The following FBXL2 variants were observed in gnomAD, a reference collection of about 807,000 sequenced individuals.
The protein encoded by FBXL2 is F-box and leucine rich repeat protein 2.
FBXL2 carries 38 observed loss-of-function variants against 69.2 expected under a neutral mutation model. That is an observed-to-expected ratio of 0.55 (90% CI 0.42 to 0.72). The LOEUF (loss-of-function observed/expected upper bound fraction) is 0.72, where lower values mean the gene tolerates loss of function less well. Among genes scored for constraint, FBXL2 ranks in the 30% least tolerant of loss-of-function variants. The probability of loss-of-function intolerance (pLI) is 0.00; values close to 1 mark genes in which losing one functional copy is unlikely to be tolerated. For missense variants in FBXL2, 354 were observed against 520.3 expected, an observed-to-expected ratio of 0.68 and a Z score of 3.11; for synonymous variants, 192 against 201.3, an observed-to-expected ratio of 0.95 and a Z score of 0.39.
At chr3:33,297,319 G>T (rs1447185116) in intron 1 of FBXL2, among the ~76,000 whole-genome samples, 1 of 152,010 alleles carries the variant, frequency 6.6e-6, no homozygotes, top group Non-Finnish European at 1.5e-5. Context: ...TGCATTTTTA[G>T]AATTTTCTAT....
intron 10 of FBXL2, among the ~76,000 whole-genome samples, 155 bp from the exon 11 acceptor site, chr3:33,377,118 T>G (rs1412329497): frequency 6.6e-6 from 1 of 152,174 alleles, no homozygotes; most frequent in Admixed American, 6.5e-5. Flanking sequence ...GGATGGAACT[T>G]CGGGGCTTTG....
intron 2 of FBXL2, among the ~76,000 whole-genome samples, chr3:33,333,208 A>T (rs2039308879): frequency 6.6e-6 from 1 of 152,182 alleles, no homozygotes. Flanking sequence ...CACACTTTTT[A>T]AAAAAACAAA....
intron 7 of FBXL2, 78 bp from the exon 8 acceptor site, chr3:33,373,500 G>C: frequency 6.2e-7 from 1 of 1,600,084 alleles, no homozygotes; most frequent in Non-Finnish European, 8.6e-7. Flanking sequence ...AATTTCTTGT[G>C]ATGTACTAAA....
chr3:33,351,988 A>C (rs1171508186), intron 2 of FBXL2, among the ~76,000 whole-genome samples: 1 of 151,558 alleles, frequency 6.6e-6, no homozygotes, highest in Non-Finnish European at 1.5e-5. Flanking sequence ...AAAAGTTAAT[A>C]TGGAGAAGCC....
the FBXL2 span, chr3:33,415,868 T>G: frequency 6.6e-6 from 1 of 152,190 alleles, no homozygotes; most frequent in South Asian, 2.1e-4. Context: ...AACCCATCAT[T>G]TGATCCCTAA....
At chr3:33,315,435 C>T (rs1159086392) in intron 2 of FBXL2, among the ~76,000 whole-genome samples, 1 of 148,392 alleles carries the variant, frequency 6.7e-6, no homozygotes, top group Non-Finnish European at 1.5e-5. Context: ...ATTATCAATG[C>T]AAATGTCAGT....
the FBXL2 span, among the ~76,000 whole-genome samples, chr3:33,413,546 CAA>C: frequency 1.6e-4 from 9 of 55,396 alleles, no homozygotes; most frequent in Non-Finnish European, 1.5e-4. Flanking sequence ...GACTCCATCA[CAA>C]AAAAAAAAAA....
chr3:33,279,360 TC>T (rs2033709603), intron 1 of FBXL2, among the ~76,000 whole-genome samples: 1 of 151,334 alleles, frequency 6.6e-6, no homozygotes, highest in Non-Finnish European at 1.5e-5. Context: ...AAGCTCCGCC[TC>T]CCGGGTACAC....
intron 2 of FBXL2, among the ~76,000 whole-genome samples, chr3:33,351,207 A>G (rs1270637334): frequency 3.3e-5 from 5 of 152,112 alleles, no homozygotes; most frequent in South Asian, 2.1e-4. Flanking sequence ...AGAGATTGCA[A>G]TGAGCCAAGA....
At position 33,352,407 on chromosome 3, in the gene FBXL2, A is replaced by G. The variant is rs1199641755; in HGVS notation, c.66-6560A>G. On this transcript the variant is annotated intron_variant, in intron 2 of 14. Transcript: ENST00000484457. The stretch of plus-strand genomic sequence containing the variant: ...TAGGTGACCTTAGATTTGGCAATGA[A>G]CTTTTAGATACAACACCAAAAACAC... Among the ~76,000 whole-genome samples, 3 of 152,296 alleles carry G rather than the reference A, an allele frequency of 2.0e-5. No homozygotes were observed. The East Asian group carries it at 5.8e-4, about 29-fold the overall frequency.
At chr3:33,299,449 T>A (rs1261034415) in intron 2 of FBXL2, among the ~76,000 whole-genome samples, 2 of 152,188 alleles carry the variant, frequency 1.3e-5, no homozygotes, top group Non-Finnish European at 2.9e-5. Context: ...ACTTTAACAT[T>A]TGGGGAATGA....
downstream of FBXL2, among the ~76,000 whole-genome samples, chr3:33,406,035 G>A (rs2044410526): frequency 6.6e-6 from 1 of 152,148 alleles, no homozygotes; most frequent in Non-Finnish European, 1.5e-5. Context: ...TTTAGCTGGA[G>A]AGCTTTGAAT....
At chr3:33,315,714 A>G (rs953990744) in intron 2 of FBXL2, among the ~76,000 whole-genome samples, 1 of 151,992 alleles carries the variant, frequency 6.6e-6, no homozygotes, top group Non-Finnish European at 1.5e-5. Context: ...CTGTTCTTTC[A>G]TGTCGCTTAT....
At chr3:33,396,130 A>G (rs765669009) in intron 12 of FBXL2, 2 of 1,514,902 alleles carry the variant, frequency 1.3e-6, no homozygotes, top group East Asian at 4.6e-5. Context: ...CAGTCTCAGA[A>G]GTGACAGAAT....
intron 2 of FBXL2, among the ~76,000 whole-genome samples, chr3:33,310,644 G>T (rs1416952064): frequency 2.0e-5 from 3 of 151,720 alleles, no homozygotes; most frequent in Non-Finnish European, 4.4e-5. Flanking sequence ...TGTAAGGTAG[G>T]TCTGATGGTG....
At chr3:33,323,020 T>C (rs1019871406) in intron 2 of FBXL2, among the ~76,000 whole-genome samples, 21 of 152,220 alleles carry the variant, frequency 1.4e-4, no homozygotes, top group African/African-American at 4.8e-4. Context: ...TCCCATTTGC[T>C]GTGTTCCAGC....
At chr3:33,353,031 A>G (rs1417095521) in intron 2 of FBXL2, among the ~76,000 whole-genome samples, 1 of 152,252 alleles carries the variant, frequency 6.6e-6, no homozygotes, top group African/African-American at 2.4e-5. Context: ...GCATAAGAAA[A>G]GATGCTTAAT....
At chr3:33,295,101 A>C (rs1373298618) in intron 1 of FBXL2, among the ~76,000 whole-genome samples, 1 of 152,200 alleles carries the variant, frequency 6.6e-6, no homozygotes, top group East Asian at 1.9e-4. Context: ...AGGTTTTAAA[A>C]ATTGAGATAT....
downstream of FBXL2, among the ~76,000 whole-genome samples, chr3:33,405,101 T>C (rs2044381677): frequency 6.6e-6 from 1 of 152,182 alleles, no homozygotes; most frequent in Non-Finnish European, 1.5e-5. Flanking sequence ...TGTAAATTTG[T>C]TGTAAGGCAA....
Sources: allele counts gnomAD v4.1 joint callset (sites outside exome capture counted in the v4.1 genomes callset), GRCh38; gene constraint gnomAD v4.1.1; transcripts MANE v1.5; gene names NCBI Gene and HGNC (gene_info 2026-07-23, HGNC 2026-07-21).